BMPER: variants seen among roughly 807,000 people sequenced by gnomAD.
BMPER encodes BMP binding endothelial regulator.
A neutral mutation model predicts 87.3 loss-of-function variants in BMPER; 45 were observed. The observed-to-expected ratio is 0.52, with a 90% CI of 0.41 to 0.66. BMPER has a LOEUF of 0.66. Ranked by LOEUF, BMPER falls within the 30% of genes least tolerant of loss-of-function variation. The probability of loss-of-function intolerance (pLI) is 0.00; values close to 1 mark genes in which losing one functional copy is unlikely to be tolerated. For synonymous variants in BMPER, 326 were observed against 316.2 expected (o/e 1.03, Z -0.33); for missense variants, 784 against 867.5 (o/e 0.90, Z 1.21).
chr7:33,907,646 A>G (rs1198625659), intron 2 of BMPER, among the ~76,000 whole-genome samples: 1 of 152,228 alleles, frequency 6.6e-6, no homozygotes, highest in African/African-American at 2.4e-5. Context: ...AATTTCTGAG[A>G]TGAAATATAG....
chr7:34,095,741 A>G (rs1183570970), intron 13 of BMPER, among the ~76,000 whole-genome samples: 1 of 6,146 alleles, frequency 1.6e-4, no homozygotes, highest in African/African-American at 1.8e-4. Context: ...ACTTCCAGGC[A>G]TGATTTTTTT....
intron 3 of BMPER, among the ~76,000 whole-genome samples, chr7:33,952,301 C>T (rs1785046062): frequency 6.6e-6 from 1 of 152,212 alleles, no homozygotes; most frequent in Admixed American, 6.5e-5. Context: ...GTAAACTGCT[C>T]AGCACTTTAA....
rs186523409 is a variant in BMPER at position 34,030,042 on chromosome 7, A to G, written c.577-16264A>G. Among the ~76,000 whole-genome samples the G allele has an allele frequency of 1.3e-3, 205 of 152,220 alleles. 1 individual carries two copies. The highest frequency in any genetic ancestry group is 6.6e-3 in the East Asian group (34 of 5,168). ...ATAAAAGTTCCAAAAATTCAATTCA[A>G]TTCTGAGCAGGAATCTTGATGTAGC... is the stretch of plus-strand genomic sequence containing the variant. On this transcript the variant is annotated intron_variant, in intron 6 of 14. Coordinates refer to ENST00000649409, the MANE Select transcript of BMPER (RefSeq NM_001365308.1).
At chr7:33,946,717 T>C (rs1023387344) in intron 3 of BMPER, among the ~76,000 whole-genome samples, 2 of 152,178 alleles carry the variant, frequency 1.3e-5, no homozygotes, top group Non-Finnish European at 2.9e-5. Context: ...CTTATTTTCC[T>C]CCGAAAAAGA....
At chr7:33,914,888 C>T (rs144929741) in intron 2 of BMPER, among the ~76,000 whole-genome samples, 2 of 152,252 alleles carry the variant, frequency 1.3e-5, no homozygotes, top group Admixed American at 1.3e-4. Context: ...ATTGCAAAGA[C>T]CTGGAAGATT....
chr7:33,911,656 G>T (rs925904610), intron 2 of BMPER, among the ~76,000 whole-genome samples: 3 of 152,178 alleles, frequency 2.0e-5, no homozygotes, highest in African/African-American at 7.2e-5. Flanking sequence ...CAAACTGGTG[G>T]TGAAGTTGAG....
intron 14 of BMPER, among the ~76,000 whole-genome samples, chr7:34,145,424 C>T (rs1790991958): frequency 6.6e-6 from 1 of 152,192 alleles, no homozygotes. Context: ...TGCTGCCCTT[C>T]TCAGAGAAGT....
intron 12 of BMPER, among the ~76,000 whole-genome samples, chr7:34,080,848 C>A (rs969050737): frequency 1.3e-5 from 2 of 152,084 alleles, no homozygotes; most frequent in Non-Finnish European, 1.5e-5. Context: ...GCTGACACAA[C>A]CTTATGGAAT....
intron 13 of BMPER, among the ~76,000 whole-genome samples, chr7:34,110,574 A>G (rs1184758027): frequency 6.6e-6 from 1 of 152,146 alleles, no homozygotes; most frequent in Non-Finnish European, 1.5e-5. Context: ...GTGCTTTCAG[A>G]CTTTATATAC....
intron 6 of BMPER, among the ~76,000 whole-genome samples, chr7:33,986,192 C>T (rs1361866390): frequency 6.6e-6 from 1 of 152,184 alleles, no homozygotes; most frequent in Non-Finnish European, 1.5e-5. Flanking sequence ...AGCCTCCTAA[C>T]CTCCCTAGTC....
chr7:33,922,647 C>A (rs972978993), intron 2 of BMPER, among the ~76,000 whole-genome samples: 1 of 152,136 alleles, frequency 6.6e-6, no homozygotes, highest in Non-Finnish European at 1.5e-5. Context: ...GTATTCTCTC[C>A]CTTGGACACC....
chr7:33,905,357 A>AGG (rs1440575885), upstream of BMPER: 14 of 438,996 alleles, frequency 3.2e-5, no homozygotes, highest in South Asian at 3.0e-4. Flanking sequence ...CAACTCCCTC[A>AGG]GGAAAAAAAA....
intron 11 of BMPER, among the ~76,000 whole-genome samples, chr7:34,063,377 ATATGTGTG>A (rs1788492670): frequency 8.3e-6 from 1 of 120,518 alleles, no homozygotes; most frequent in Admixed American, 8.6e-5. Flanking sequence ...CAGGGTCACT[ATATGTGTG>A]TGTGTGTGTG....
intron 13 of BMPER, among the ~76,000 whole-genome samples, chr7:34,102,724 A>G (rs1467026902): frequency 6.6e-6 from 1 of 152,154 alleles, no homozygotes; most frequent in Non-Finnish European, 1.5e-5. Flanking sequence ...TTTGCACCAG[A>G]CGCTCTGCTA....
intron 3 of BMPER, among the ~76,000 whole-genome samples, chr7:33,939,520 G>C (rs1283247363): frequency 6.6e-6 from 1 of 152,164 alleles, no homozygotes; most frequent in African/African-American, 2.4e-5. Context: ...GGGTGATAGG[G>C]TTTAGCTTTG....
chr7:34,029,423 C>T (rs907195611), intron 6 of BMPER, among the ~76,000 whole-genome samples: 1 of 152,060 alleles, frequency 6.6e-6, no homozygotes, highest in African/African-American at 2.4e-5. Context: ...GCATGGCCCA[C>T]ATGGAGGAGA....
chr7:34,138,388 A>G (rs1420107841), intron 13 of BMPER, among the ~76,000 whole-genome samples: 1 of 152,174 alleles, frequency 6.6e-6, no homozygotes, highest in East Asian at 1.9e-4. Context: ...TGACACACAA[A>G]CATCAAACAT....
chr7:33,975,109 G>A (rs187445467), intron 6 of BMPER, among the ~76,000 whole-genome samples: 3 of 152,312 alleles, frequency 2.0e-5, no homozygotes, highest in Admixed American at 2.0e-4. Flanking sequence ...GGCCATGGAG[G>A]CCAAACTTGC....
chr7:34,140,392 G>A (rs1003963203), intron 13 of BMPER, among the ~76,000 whole-genome samples: 1 of 151,928 alleles, frequency 6.6e-6, no homozygotes, highest in African/African-American at 2.4e-5. Flanking sequence ...TAACTTCCGA[G>A]ACAAAACACA....
Sources: allele counts gnomAD v4.1 joint callset (sites outside exome capture counted in the v4.1 genomes callset), GRCh38; gene constraint gnomAD v4.1.1; transcripts MANE v1.5; gene names NCBI Gene and HGNC (gene_info 2026-07-23, HGNC 2026-07-21).